AUTS2: variants seen among roughly 807,000 people sequenced by gnomAD.
AUTS2 encodes activator of transcription and developmental regulator AUTS2.
A neutral mutation model predicts 112.4 loss-of-function variants in AUTS2; 17 were observed. That is an observed-to-expected ratio of 0.15 (90% CI 0.10 to 0.23). AUTS2 has a LOEUF of 0.23. Among genes scored for constraint, AUTS2 ranks in the 10% least tolerant of loss-of-function variants. The pLI is 1.00. For synonymous variants in AUTS2, 751 were observed against 702.7 expected (o/e 1.07, Z -1.09); for missense variants, 1,510 against 1,701.6 (o/e 0.89, Z 1.98).
chr7:70,036,467 G>T (rs921483821), intron 2 of AUTS2, among the ~76,000 whole-genome samples: 3 of 152,198 alleles, frequency 2.0e-5, no homozygotes, highest in Non-Finnish European at 2.9e-5. Context: ...CTGGGTAGGG[G>T]CTGTCCCGTG....
chr7:69,776,155 G>T (rs927784653), intron 1 of AUTS2, among the ~76,000 whole-genome samples: 1 of 152,182 alleles, frequency 6.6e-6, no homozygotes, highest in Non-Finnish European at 1.5e-5. Context: ...GCTTCTAATT[G>T]TGTTGCGCTT....
At chr7:69,725,972 A>AT (rs1174790652) in intron 1 of AUTS2, among the ~76,000 whole-genome samples, 1 of 124,710 alleles carries the variant, frequency 8.0e-6, no homozygotes, top group African/African-American at 3.9e-5. Flanking sequence ...AAGTTAGATT[A>AT]TTTTTTTTCC....
intron 2 of AUTS2, among the ~76,000 whole-genome samples, chr7:69,914,350 C>CACAG (rs1554403893): frequency 2.9e-4 from 36 of 125,668 alleles, no homozygotes; most frequent in South Asian, 6.2e-4. Context: ...CAGACACACA[C>CACAG]ACACAGACAC....
chr7:69,783,490 A>G (rs1405480669), intron 1 of AUTS2, among the ~76,000 whole-genome samples: 1 of 151,936 alleles, frequency 6.6e-6, no homozygotes, highest in Non-Finnish European at 1.5e-5. Flanking sequence ...TGTTGTGCTC[A>G]CACTGATTTT....
intron 13 of AUTS2, 166 bp from the exon 14 acceptor site, chr7:70,776,937 C>G: frequency 1.5e-6 from 1 of 680,564 alleles, no homozygotes; most frequent in Admixed American, 2.5e-5. Context: ...TCCCTTATGA[C>G]TGGGCGCTGG....
At chr7:70,458,399 T>C (rs1796831264) in intron 5 of AUTS2, among the ~76,000 whole-genome samples, 1 of 152,214 alleles carries the variant, frequency 6.6e-6, no homozygotes, top group Admixed American at 6.5e-5. Context: ...CTGAGATTTT[T>C]AGCATGGTCT....
chr7:70,611,912 C>T (rs975693503), intron 5 of AUTS2, among the ~76,000 whole-genome samples: 6 of 152,162 alleles, frequency 3.9e-5, no homozygotes, highest in East Asian at 1.9e-4. Flanking sequence ...TGCTGAGAGT[C>T]GTACTCATTA....
intron 2 of AUTS2, among the ~76,000 whole-genome samples, chr7:69,991,022 G>T (rs1159591284): frequency 6.6e-6 from 1 of 152,134 alleles, no homozygotes; most frequent in African/African-American, 2.4e-5. Flanking sequence ...TTTTAAGAAG[G>T]CTATGGGGTC....
intron 2 of AUTS2, among the ~76,000 whole-genome samples, chr7:70,043,334 C>T (rs1253671905): frequency 6.6e-6 from 1 of 152,140 alleles, no homozygotes; most frequent in African/African-American, 2.4e-5. Context: ...CCCTCCCCTC[C>T]TCTCCCTTGA....
intron 4 of AUTS2, among the ~76,000 whole-genome samples, chr7:70,244,760 G>T (rs2129601607): frequency 6.6e-6 from 1 of 152,282 alleles, no homozygotes. Context: ...CGGTGAAAGG[G>T]AATGGTGCTT....
chr7:69,599,982 C>T lies in AUTS2; in HGVS notation c.309+20C>T, dbSNP rs1055620674. 3.1e-6 allele frequency: 5 copies of T among 1,612,276 alleles called. No individual in the cohort carries two copies. The East Asian group carries it at 8.9e-5, about 29-fold the overall frequency. ...CTGGAGGTAAGGGGGACCCCCCTTC[C>T]CCCGGGTTCCCTTTATGCACGACCC... On this transcript the variant is annotated intron_variant, in intron 1 of 18. Transcript: ENST00000342771. This position sits in a 1 kb window ranked among gnomAD's most constrained non-coding sequence, Gnocchi z 7.0.
chr7:70,139,372 C>T (rs1440893159), intron 4 of AUTS2, among the ~76,000 whole-genome samples: 1 of 152,190 alleles, frequency 6.6e-6, no homozygotes, highest in Non-Finnish European at 1.5e-5. Context: ...GCGGCTGCAA[C>T]ATTTATCTTG....
At chr7:69,617,316 G>C (rs1409592160) in intron 1 of AUTS2, among the ~76,000 whole-genome samples, 4 of 152,168 alleles carry the variant, frequency 2.6e-5, no homozygotes, top group African/African-American at 9.7e-5. Flanking sequence ...GTATGCTTAC[G>C]TGATGCTTTA....
chr7:70,681,146 G>A (rs1808184271), intron 5 of AUTS2, among the ~76,000 whole-genome samples: 1 of 152,192 alleles, frequency 6.6e-6, no homozygotes, highest in Non-Finnish European at 1.5e-5. Flanking sequence ...CACCACACTT[G>A]GCCAGCACAG....
intron 5 of AUTS2, among the ~76,000 whole-genome samples, chr7:70,467,830 T>G (rs1273373478): frequency 2.0e-5 from 3 of 152,216 alleles, no homozygotes; most frequent in African/African-American, 7.2e-5. Flanking sequence ...CCAGCACCTC[T>G]GATAGATTCT....
At chr7:70,388,847 G>T (rs1304283928) in intron 4 of AUTS2, among the ~76,000 whole-genome samples, 1 of 152,090 alleles carries the variant, frequency 6.6e-6, no homozygotes, top group East Asian at 1.9e-4. Flanking sequence ...TCATGTCAAA[G>T]AAAATTAAAT....
intron 1 of AUTS2, among the ~76,000 whole-genome samples, chr7:69,648,454 TA>T (rs202026205): frequency 0.015 from 2,111 of 141,352 alleles, 22 homozygotes; most frequent in Non-Finnish European, 0.024. Flanking sequence ...TCAGTAACTT[TA>T]AAAAAAAAAA....
intron 1 of AUTS2, among the ~76,000 whole-genome samples, chr7:69,681,547 T>C (rs142228513): frequency 6.6e-6 from 1 of 152,322 alleles, no homozygotes; most frequent in East Asian, 1.9e-4. Context: ...GGCCTATAGG[T>C]TGGCACTGAC....
intron 5 of AUTS2, among the ~76,000 whole-genome samples, chr7:70,447,070 A>G (rs949385416): frequency 6.6e-6 from 1 of 152,200 alleles, no homozygotes; most frequent in African/African-American, 2.4e-5. Flanking sequence ...GTCTCTGCCA[A>G]GCCTTGGGCT....
Sources: gnomAD v4.1 joint callset for allele counts (sites outside exome capture counted in the v4.1 genomes callset) on GRCh38, gnomAD v4.1.1 for gene constraint, Gnocchi (gnomAD v3.1) non-coding constraint, MANE v1.5 for transcripts, NCBI Gene and HGNC (gene_info 2026-07-23, HGNC 2026-07-21) for gene names.